XRRA1: variants seen among roughly 807,000 people sequenced by gnomAD.
XRRA1 encodes the protein X-ray radiation resistance-associated protein 1.
XRRA1 carries 69 observed loss-of-function variants against 80.2 expected under a neutral mutation model. The observed-to-expected ratio is 0.86, with a 90% CI of 0.71 to 1.05. The LOEUF (loss-of-function observed/expected upper bound fraction) is 1.05, where lower values mean the gene tolerates loss of function less well. XRRA1 is among the 50% of genes least tolerant of loss of function. XRRA1 has a pLI of 0.00. For synonymous variants in XRRA1, 348 were observed against 389.9 expected (o/e 0.89, Z 1.27); for missense variants, 967 against 976.4 (o/e 0.99, Z 0.13).
intron 10 of XRRA1, among the ~76,000 whole-genome samples, chr11:74,886,446 C>T (rs569970748): frequency 3.3e-5 from 5 of 152,092 alleles, no homozygotes; most frequent in African/African-American, 1.2e-4. Context: ...AAATCAAGAA[C>T]ACAATCCTGT....
Position 74,843,325 on chromosome 11 carries a change from A to T in XRRA1, c.2278T>A (p.Phe760Ile), listed in dbSNP as rs1469190696. The T allele has an allele frequency of 6.2e-7, 1 of 1,608,124 alleles. No homozygotes were observed. The highest frequency in any genetic ancestry group is 8.5e-7 in the Non-Finnish European group (1 of 1,177,476). The change falls in exon 19 of 19, where the codon TTC becomes ATC. Residue 760 changes from phenylalanine (F) to isoleucine (I), a missense_variant. By Grantham distance (21) the Phe-to-Ile change is conservative. Transcript: ENST00000684022. ...QLVSGSLRTV[F>I]GTTPLPMACP... ...GCCATGGGGAGCGGGGTAGTCCCGA[A>T]CACTGTGCGCAGAGAGCCACTCACC...
intron 16 of XRRA1, among the ~76,000 whole-genome samples, 166 bp from the exon 17 acceptor site, chr11:74,844,449 C>G (rs1286401700): frequency 2.0e-5 from 3 of 152,108 alleles, no homozygotes; most frequent in African/African-American, 7.2e-5. Flanking sequence ...TGTTCCAGTG[C>G]CTGAAGTTCC....
chr11:74,918,299 AGTGTGTGTGTGT>A (rs35763136), intron 8 of XRRA1, among the ~76,000 whole-genome samples: 6 of 150,156 alleles, frequency 4.0e-5, no homozygotes, highest in African/African-American at 1.2e-4. Flanking sequence ...TTCCTTCCTT[AGTGTGTGTGTGT>A]GTGTGTGTGT....
rs375455563 is a variant in XRRA1, at chr11:74,851,104, C to T, written c.1364G>A (p.Arg455Gln). 1.1e-4 allele frequency: 181 copies of T among 1,611,050 alleles called. 2 individuals are homozygous for T. The South Asian group carries it at 1.6e-3, about 14-fold the overall frequency. Residue 455 changes from arginine (R) to glutamine (Q), a missense_variant, in exon 14 of 19, where the codon CGG becomes CAG. Coordinates refer to ENST00000684022, the MANE Select transcript of XRRA1 (RefSeq NM_001378157.1). ...VKPKHHVLMS[R>Q]KESWKVKSEI... ...AAGCCCTACCTTCCATGATTCCTTCCGAGACATCAAAACATGATGCTTAGG... is the reference window on the plus strand; with the variant it reads ...AAGCCCTACCTTCCATGATTCCTTCTGAGACATCAAAACATGATGCTTAGG...
intron 10 of XRRA1, among the ~76,000 whole-genome samples, chr11:74,903,529 C>T (rs2053970932): frequency 6.6e-6 from 1 of 152,126 alleles, no homozygotes; most frequent in Non-Finnish European, 1.5e-5. Flanking sequence ...TGATGAAACC[C>T]TGTCTCCACT....
chr11:74,907,627 A>G (rs1192396738), intron 8 of XRRA1, among the ~76,000 whole-genome samples: 1 of 152,138 alleles, frequency 6.6e-6, no homozygotes, highest in East Asian at 1.9e-4. Flanking sequence ...TCACTGCACA[A>G]TTTTGACTCA....
chr11:74,908,624 A>G (rs1194314521), intron 8 of XRRA1, among the ~76,000 whole-genome samples: 2 of 152,238 alleles, frequency 1.3e-5, no homozygotes, highest in Admixed American at 1.3e-4. Flanking sequence ...TTATGTGGCC[A>G]GGTACTGAGA....
rs528277937 is a variant in XRRA1, at chr11:74,858,201, G to C, written c.1170+957C>G. On this transcript the variant is annotated intron_variant, in intron 12 of 18. Coordinates refer to ENST00000684022, the MANE Select transcript of XRRA1 (RefSeq NM_001378157.1). Reference sequence around the variant, plus strand: ...AAAGAGGTAATGTCTAACTATTTTGGATCAATAAAAGACATAAATTACCAA... The same window carrying C: ...AAAGAGGTAATGTCTAACTATTTTGCATCAATAAAAGACATAAATTACCAA... Among the ~76,000 whole-genome samples, 129 of 152,250 alleles carry C rather than the reference G, an allele frequency of 8.5e-4. 1 individual carries two copies. Among genetic ancestry groups the C allele is most frequent in the Admixed American group, 2.9e-3 (45 of 15,292 alleles).
At position 74,864,188 on chromosome 11, in the gene XRRA1, TC is replaced by T. The variant is rs1418326790; in HGVS notation, c.1004-1168del. 6.6e-5 allele frequency: 10 copies of T among 152,114 alleles called. No individual in the cohort carries two copies. The East Asian group carries it at 1.3e-3, about 21-fold the overall frequency. The allele number at this position is 152,114 out of a possible 1,614,324, so 9.4% of individuals were successfully genotyped here. On this transcript the variant is annotated intron_variant, in intron 10 of 18. Coordinates refer to ENST00000684022, the MANE Select transcript of XRRA1 (RefSeq NM_001378157.1). Reference sequence around the variant, plus strand: ...CCTCTGAGAAATTCAAAAGTTTCACTCCTGAAACAAAAGCAGATTGTTGTGG... The same window carrying T: ...CCTCTGAGAAATTCAAAAGTTTCACTCTGAAACAAAAGCAGATTGTTGTGG...
chr11:74,934,017 T>TCATTC, intron 4 of XRRA1, 145 bp from the exon 5 acceptor site: 1 of 755,208 alleles, frequency 1.3e-6, no homozygotes, highest in Non-Finnish European at 2.1e-6. Flanking sequence ...ATTCATTCAT[T>TCATTC]ATTCATCCAT....
At chr11:74,910,749 T>C in intron 8 of XRRA1, 1 of 152,428 alleles carries the variant, frequency 6.6e-6, no homozygotes. Context: ...GAGGATGGGC[T>C]GGGAGGCAAG....
chr11:74,930,177 A>G (rs1226743858), intron 6 of XRRA1, 123 bp downstream of exon 6: 2 of 823,192 alleles, frequency 2.4e-6, no homozygotes, highest in Admixed American at 2.6e-5. Context: ...CACCCAGCCT[A>G]TTGTACTCCA....
chr11:74,858,467 T>G (rs1216658632), intron 12 of XRRA1, among the ~76,000 whole-genome samples: 5 of 152,228 alleles, frequency 3.3e-5, no homozygotes, highest in Non-Finnish European at 7.3e-5. Context: ...AGTTTAGCTG[T>G]ATCAGCTGCT....
chr11:74,940,159 T>C lies in XRRA1; in HGVS notation c.94+626A>G, dbSNP rs577694396. Among the ~76,000 whole-genome samples, 14 of 152,336 alleles carry C rather than the reference T, an allele frequency of 9.2e-5. No individual in the cohort carries two copies. The South Asian group carries it at 2.9e-3, about 32-fold the overall frequency. ...GCCAATCCAGAGAACCAATACTTAGTGTTTCACCTATAGGGCTCTTATTAT... is the reference window on the plus strand; with the variant it reads ...GCCAATCCAGAGAACCAATACTTAGCGTTTCACCTATAGGGCTCTTATTAT... On this transcript the variant is annotated intron_variant, in intron 3 of 18. Coordinates refer to ENST00000684022, the MANE Select transcript of XRRA1 (RefSeq NM_001378157.1).
intron 2 of XRRA1, among the ~76,000 whole-genome samples, chr11:74,943,189 T>A (rs1946689076): frequency 6.6e-6 from 1 of 152,296 alleles, no homozygotes; most frequent in African/African-American, 2.4e-5. Context: ...CAGAAATTCT[T>A]TAGGGGTGTG....
chr11:74,881,038 ATCTG>A (rs1413827245), intron 10 of XRRA1, among the ~76,000 whole-genome samples: 1 of 146,040 alleles, frequency 6.8e-6, no homozygotes, highest in African/African-American at 2.6e-5. Context: ...TGTCTCATTG[ATCTG>A]TCTAATGTTG....
chr11:74,863,308 T>C, intron 10 of XRRA1: 1 of 454,816 alleles, frequency 2.2e-6, no homozygotes, highest in Non-Finnish European at 4.0e-6. Flanking sequence ...CATGATACTC[T>C]CCCTCATTCA....
chr11:74,901,820 G>A (rs1310160645), intron 10 of XRRA1, among the ~76,000 whole-genome samples: 1 of 152,150 alleles, frequency 6.6e-6, no homozygotes, highest in East Asian at 1.9e-4. Flanking sequence ...ACACCTACAA[G>A]AAAACATTGA....
At chr11:74,915,562 T>G (rs1273386943) in intron 8 of XRRA1, among the ~76,000 whole-genome samples, 5 of 152,176 alleles carry the variant, frequency 3.3e-5, no homozygotes. Context: ...GCACCGAATT[T>G]CTAGAGGGAT....
Sources: allele counts gnomAD v4.1 joint callset (sites outside exome capture counted in the v4.1 genomes callset), GRCh38; gene constraint gnomAD v4.1.1; transcripts MANE v1.5; gene names NCBI Gene and HGNC (gene_info 2026-07-23, HGNC 2026-07-21).